TMEM132B: variants seen among roughly 807,000 people sequenced by gnomAD.
The protein encoded by TMEM132B is transmembrane protein 132B.
TMEM132B carries 18 observed loss-of-function variants against 90.8 expected under a neutral mutation model. The observed-to-expected ratio is 0.20, with a 90% CI of 0.14 to 0.29. The LOEUF (loss-of-function observed/expected upper bound fraction) is 0.29, where lower values mean the gene tolerates loss of function less well. Among genes scored for constraint, TMEM132B ranks in the 10% least tolerant of loss-of-function variants. The pLI, the probability that TMEM132B is intolerant of heterozygous loss-of-function variation, is 1.00. For synonymous variants in TMEM132B, 504 were observed against 523.3 expected (o/e 0.96, Z 0.50); for missense variants, 1,096 against 1,326.8 (o/e 0.83, Z 2.70).
intron 3 of TMEM132B, among the ~76,000 whole-genome samples, chr12:125,462,795 A>G (rs1233990592): frequency 6.6e-6 from 1 of 152,234 alleles, no homozygotes; most frequent in Non-Finnish European, 1.5e-5. Context: ...TCTGGAAGAA[A>G]ACTTGACTAA....
At chr12:125,599,468 C>T (rs964700945) in intron 5 of TMEM132B, among the ~76,000 whole-genome samples, 1 of 152,128 alleles carries the variant, frequency 6.6e-6, no homozygotes, top group African/African-American at 2.4e-5. Context: ...GGGCCCTAGC[C>T]AGCTTAACAT....
chr12:125,390,669 T>C (rs929961764), intron 2 of TMEM132B, among the ~76,000 whole-genome samples: 1 of 152,206 alleles, frequency 6.6e-6, no homozygotes, highest in Admixed American at 6.5e-5. Context: ...GCTGCCATGT[T>C]GAGGATGCTC....
chr12:125,622,393 A>G (rs1283152653), intron 5 of TMEM132B: 1 of 832,154 alleles, frequency 1.2e-6, no homozygotes. Context: ...TTTTAAAGTA[A>G]GAATCACAAT....
rs374792523 is a variant in TMEM132B at position 125,194,309 on chromosome 12, C to T, written c.67+7443C>T. On this transcript the variant is annotated intron_variant, in intron 1 of 8. Coordinates refer to ENST00000682704, the MANE Select transcript of TMEM132B (RefSeq NM_001366854.1). Reference sequence around the variant, plus strand: ...CTCATTGTGGCCACGCCTCCGAGTCCGGGATGCAGTGCCCGGGAGGGGTGA... The same window carrying T: ...CTCATTGTGGCCACGCCTCCGAGTCTGGGATGCAGTGCCCGGGAGGGGTGA... Among the ~76,000 whole-genome samples, 195 of 152,190 alleles carry T rather than the reference C, an allele frequency of 1.3e-3. 2 individuals are homozygous for T. Among genetic ancestry groups the T allele is most frequent in the African/African-American group, 4.4e-3 (182 of 41,500 alleles).
At chr12:125,511,199 T>C (rs919405421) in intron 3 of TMEM132B, among the ~76,000 whole-genome samples, 4 of 152,254 alleles carry the variant, frequency 2.6e-5, no homozygotes, top group Non-Finnish European at 4.4e-5. Flanking sequence ...ATTATGCTTT[T>C]AAGGTTCATT....
chr12:125,489,117 A>G (rs537552492), intron 3 of TMEM132B, among the ~76,000 whole-genome samples: 4 of 152,346 alleles, frequency 2.6e-5, no homozygotes, highest in South Asian at 2.1e-4. Context: ...TGCATATGCA[A>G]TGATCTCTTT....
intron 5 of TMEM132B, among the ~76,000 whole-genome samples, chr12:125,602,983 C>A (rs1270468475): frequency 6.6e-6 from 1 of 152,206 alleles, no homozygotes; most frequent in Admixed American, 6.5e-5. Context: ...AAAAACATTT[C>A]ATCCTCATGG....
intron 1 of TMEM132B, among the ~76,000 whole-genome samples, chr12:125,318,898 A>T (rs1876353160): frequency 6.6e-6 from 1 of 152,264 alleles, no homozygotes; most frequent in Non-Finnish European, 1.5e-5. Flanking sequence ...ATGTTGTTTG[A>T]ATAACAGTTT....
At chr12:125,376,473 G>A (rs1878488326) in intron 2 of TMEM132B, among the ~76,000 whole-genome samples, 1 of 152,328 alleles carries the variant, frequency 6.6e-6, no homozygotes, top group African/African-American at 2.4e-5. Context: ...CCTTAAGTGA[G>A]GCAGGAGACC....
intron 1 of TMEM132B, among the ~76,000 whole-genome samples, chr12:125,322,100 T>G (rs1224644775): frequency 6.6e-6 from 1 of 152,218 alleles, no homozygotes; most frequent in African/African-American, 2.4e-5. Flanking sequence ...CACCCAAATC[T>G]CATCTTGAAT....
intron 1 of TMEM132B, among the ~76,000 whole-genome samples, chr12:125,283,563 C>T (rs189278633): frequency 6.6e-6 from 1 of 152,108 alleles, no homozygotes; most frequent in Non-Finnish European, 1.5e-5. Context: ...ATGTAATTAC[C>T]ATGAGTGCCA....
At chr12:125,262,245 C>CAAAAAAA (rs11307058) in intron 1 of TMEM132B, among the ~76,000 whole-genome samples, 3 of 84,294 alleles carry the variant, frequency 3.6e-5, no homozygotes, top group East Asian at 1.0e-3. Flanking sequence ...CCTGTTTCTA[C>CAAAAAAA]AAAAAAAAAA....
intron 6 of TMEM132B, among the ~76,000 whole-genome samples, chr12:125,649,854 G>A (rs1030909496): frequency 5.9e-5 from 9 of 152,198 alleles, no homozygotes; most frequent in African/African-American, 9.7e-5. Context: ...ACAGGTGGAG[G>A]TTAGAGGATA....
chr12:125,243,677 C>T (rs1874140793), intron 1 of TMEM132B, among the ~76,000 whole-genome samples: 1 of 152,138 alleles, frequency 6.6e-6, no homozygotes, highest in Non-Finnish European at 1.5e-5. Context: ...GGGTATAGTA[C>T]CCAATAGGTA....
intron 1 of TMEM132B, among the ~76,000 whole-genome samples, chr12:125,280,843 A>C (rs115885755): frequency 2.4e-3 from 371 of 152,330 alleles, no homozygotes; most frequent in African/African-American, 8.5e-3. Flanking sequence ...ACTTTGCGGG[A>C]AGAATGCTCA....
chr12:125,541,917 T>C (rs1883967288), intron 4 of TMEM132B, among the ~76,000 whole-genome samples: 1 of 147,028 alleles, frequency 6.8e-6, no homozygotes, highest in South Asian at 2.1e-4. Context: ...CCCAGCTACT[T>C]GGGAGGCTGA....
At chr12:125,561,571 C>T (rs1419243458) in intron 4 of TMEM132B, among the ~76,000 whole-genome samples, 2 of 152,022 alleles carry the variant, frequency 1.3e-5, no homozygotes, top group East Asian at 3.9e-4. Flanking sequence ...ACCTGAAAGC[C>T]AAAATTACTC....
intron 5 of TMEM132B, among the ~76,000 whole-genome samples, chr12:125,635,100 T>C (rs1393336882): frequency 6.6e-6 from 1 of 152,230 alleles, no homozygotes; most frequent in Non-Finnish European, 1.5e-5. Context: ...AAGTTTGGAC[T>C]GCTGGGATTG....
rs1288123480 is a variant in TMEM132B, at chr12:125,492,695, G to A, written c.1107-26744G>A. Among the ~76,000 whole-genome samples, 4 of 152,122 alleles carry A rather than the reference G, an allele frequency of 2.6e-5. No homozygotes were observed. The highest frequency in any genetic ancestry group is 9.7e-5 in the African/African-American group (4 of 41,426). On this transcript the variant is annotated intron_variant, in intron 3 of 8. Coordinates refer to ENST00000682704, the MANE Select transcript of TMEM132B (RefSeq NM_001366854.1). This position sits in a 1 kb window ranked among gnomAD's most constrained non-coding sequence, Gnocchi z 5.8. ...TGGCCCGGCCTGTGCTCTGTCCCTGGGCTCAGGAGGGCGCACCCTTGGGAG... is the reference window on the plus strand; with the variant it reads ...TGGCCCGGCCTGTGCTCTGTCCCTGAGCTCAGGAGGGCGCACCCTTGGGAG...
Sources: gnomAD v4.1 joint callset for allele counts (sites outside exome capture counted in the v4.1 genomes callset) on GRCh38, gnomAD v4.1.1 for gene constraint, Gnocchi (gnomAD v3.1) non-coding constraint, MANE v1.5 for transcripts, NCBI Gene and HGNC (gene_info 2026-07-23, HGNC 2026-07-21) for gene names.